ITGB1: variants seen among roughly 807,000 people sequenced by gnomAD.
ITGB1 encodes the protein integrin beta-1.
In ITGB1, 24 loss-of-function variants were observed where a neutral mutation model predicts 86.5. The ratio of observed to expected loss-of-function variants is 0.28; its 90% CI spans 0.20 to 0.39. The LOEUF (loss-of-function observed/expected upper bound fraction) is 0.39. Among genes scored for constraint, ITGB1 ranks in the 10% least tolerant of loss-of-function variants. The pLI is 1.00. For missense variants in ITGB1, 556 were observed against 946.9 expected (o/e 0.59, Z 5.42); for synonymous variants, 323 against 316.8 (o/e 1.02, Z -0.21).
In ITGB1 at chr10:32,901,492, T is replaced by C. The variant is rs199510801; in HGVS notation, c.*78A>G. The stretch of plus-strand genomic sequence containing the variant: ...GCACATGAGTAAAACCATGGCAATA[T>C]TGCCCTAAAGCTACCTAACTGTGAC... On this transcript the variant is annotated 3_prime_UTR_variant, in exon 16 of 16. Coordinates refer to ENST00000302278, the MANE Select transcript of ITGB1 (RefSeq NM_002211.4). The C allele has an allele frequency of 4.8e-5, 43 of 887,820 alleles. 1 individual carries two copies. In the South Asian group the frequency reaches 6.4e-4, roughly 13 times the overall value. The allele number at this position is 887,820 out of a possible 1,614,324, so 55.0% of individuals were successfully genotyped here.
At chr10:32,903,792 G>C (rs2094888944) in intron 15 of ITGB1, among the ~76,000 whole-genome samples, 1 of 152,062 alleles carries the variant, frequency 6.6e-6, no homozygotes, top group South Asian at 2.1e-4. Context: ...TCAAAATGGG[G>C]GTCAGGAAAC....
intron 1 of ITGB1, chr10:32,944,948 G>A (rs2095027724): frequency 8.3e-7 from 1 of 1,208,262 alleles, no homozygotes; most frequent in Non-Finnish European, 1.2e-6. Context: ...ATATTACCAA[G>A]CTTTTCTACA....
Position 32,922,647 on chromosome 10 carries a change from A to G in ITGB1, c.1031T>C (p.Val344Ala). 6.4e-7 allele frequency: 1 copy of G among 1,569,910 alleles called. No homozygotes were observed. The highest frequency in any genetic ancestry group is 8.8e-7 in the Non-Finnish European group (1 of 1,142,184). ...TTTATCTCACACATTTACCTTGTAAACAGGCTGAAATTCTTCAGTAACTGC... is the reference window on the plus strand; with the variant it reads ...TTTATCTCACACATTTACCTTGTAAGCAGGCTGAAATTCTTCAGTAACTGC... ...IFAVTEEFQP[V>A]YKELKNLIPK... Residue 344 changes from valine (V) to alanine (A), a missense_variant, in exon 8 of 16, where the codon GTT (valine) becomes GCT (alanine). Around this residue, in one of 4 missense-constraint regions of ITGB1, gnomAD observed 330 missense variants for 531.5 expected, o/e 0.62. Transcript: ENST00000302278.
At chr10:32,952,247 A>T (rs915456789) in intron 1 of ITGB1, among the ~76,000 whole-genome samples, 1 of 152,194 alleles carries the variant, frequency 6.6e-6, no homozygotes, top group Non-Finnish European at 1.5e-5. Flanking sequence ...TTACATGATT[A>T]CCAAATTTGC....
rs878933017 is a variant in ITGB1, at chr10:32,910,464, A to G, written c.1932-9T>C. Reference sequence around the variant, plus strand: ...TGCACTGAACACATTCTCTGTTACAAAAAACACAAATTATGATATTTACAT... The same window carrying G: ...TGCACTGAACACATTCTCTGTTACAGAAAACACAAATTATGATATTTACAT... On this transcript the variant is annotated splice_polypyrimidine_tract_variant and intron_variant, in intron 13 of 15. Transcript: ENST00000302278. 2 of 1,517,278 alleles carry G rather than the reference A, an allele frequency of 1.3e-6. No individual in the cohort carries two copies. Among genetic ancestry groups the G allele is most frequent in the South Asian group, 2.4e-5 (2 of 84,264 alleles). 94.0% of individuals were successfully genotyped at this position (1,517,278 alleles called of 1,614,324 possible).
chr10:32,924,959 T>C (rs1038512547), intron 6 of ITGB1, among the ~76,000 whole-genome samples: 2 of 152,220 alleles, frequency 1.3e-5, no homozygotes, highest in African/African-American at 2.4e-5. Flanking sequence ...GCTGAGTAAA[T>C]TGCCCAGCAT....
chr10:32,907,716 G>A (rs1203994294), intron 15 of ITGB1, among the ~76,000 whole-genome samples: 1 of 151,890 alleles, frequency 6.6e-6, no homozygotes, highest in African/African-American at 2.4e-5. Flanking sequence ...GAATCATATA[G>A]TATATAGCAG....
intron 6 of ITGB1, among the ~76,000 whole-genome samples, chr10:32,925,115 C>A (rs2094960805): frequency 6.6e-6 from 1 of 152,112 alleles, no homozygotes; most frequent in South Asian, 2.1e-4. Context: ...AGAATGGGGG[C>A]ACTGGAGGGA....
chr10:32,914,787 A>G (rs980616603), intron 11 of ITGB1, among the ~76,000 whole-genome samples: 2 of 152,094 alleles, frequency 1.3e-5, no homozygotes, highest in African/African-American at 2.4e-5. Context: ...ATATCCAGGA[A>G]CTGAACTCAG....
At chr10:32,912,150 T>C in intron 11 of ITGB1, 26 bp from the exon 12 acceptor site, 2 of 1,589,014 alleles carry the variant, frequency 1.3e-6, no homozygotes, top group Non-Finnish European at 1.7e-6. Flanking sequence ...AAAATTGCAA[T>C]CACACAAAAC....
chr10:32,910,410 G>C lies in ITGB1; in HGVS notation c.1977C>G (p.Asp659Glu), dbSNP rs751742962. Residue 659 changes from aspartate (D) to glutamate (E), a missense_variant, in exon 14 of 16, where the codon GAC becomes GAG. Physicochemically the swap from Asp to Glu is conservative, Grantham distance 45. Around this residue, in one of 4 missense-constraint regions of ITGB1, gnomAD observed 330 missense variants for 531.5 expected, o/e 0.62. Transcript: ENST00000302278. The part of the protein sequence containing the change: ...CRAFNKGEKK[D>E]TCTQECSYFN... Reference sequence around the variant, plus strand: ...AATAGGAACATTCCTGTGTGCATGTGTCTTTCTTTTCTCCTTTATTGAAGG... The same window carrying C: ...AATAGGAACATTCCTGTGTGCATGTCTCTTTCTTTTCTCCTTTATTGAAGG... 9.4e-6 allele frequency: 15 copies of C among 1,601,612 alleles called. No individual in the cohort carries two copies. In the South Asian group the frequency reaches 1.7e-4, roughly 18 times the overall value.
intron 1 of ITGB1, chr10:32,953,703 C>T (rs1409540525): frequency 6.6e-6 from 1 of 152,200 alleles, no homozygotes; most frequent in African/African-American, 2.4e-5. Context: ...AGTACTCTGA[C>T]AAAGGTCACA....
chr10:32,940,335 C>A (rs1336241098), intron 1 of ITGB1, among the ~76,000 whole-genome samples: 2 of 139,836 alleles, frequency 1.4e-5, no homozygotes, highest in African/African-American at 5.7e-5. Flanking sequence ...CAGAGCTAGA[C>A]TCCATCTCAA....
At chr10:32,917,361 G>A (rs962711105) in intron 11 of ITGB1, among the ~76,000 whole-genome samples, 1 of 152,144 alleles carries the variant, frequency 6.6e-6, no homozygotes, top group Non-Finnish European at 1.5e-5. Flanking sequence ...TTAAACTAAA[G>A]AGCTTCTGCA....
At chr10:32,924,369 T>C (rs1013776822) in intron 6 of ITGB1, among the ~76,000 whole-genome samples, 2 of 152,256 alleles carry the variant, frequency 1.3e-5, no homozygotes, top group African/African-American at 4.8e-5. Flanking sequence ...AAAATCTTCT[T>C]GTCACTATGG....
In ITGB1 at chr10:32,928,244, A is replaced by G. The variant is rs1313393050; in HGVS notation, c.397T>C (p.Leu133=). The stretch of plus-strand genomic sequence containing the variant: ...TAGTCTTCAGCTCTCTTGAATTTTA[A>G]TGTAAATGTCTGTGGCTCCCCTAAT... ...LRSGEPQTFT[L]KFKRAEDYPI... The change falls in exon 5 of 16, where the codon TTA becomes CTA. Residue 133 remains leucine (L), a synonymous_variant. Transcript: ENST00000302278. 1 of 892,740 alleles carries G rather than the reference A, an allele frequency of 1.1e-6. No individual in the cohort carries two copies. The highest frequency in any genetic ancestry group is 1.3e-5 in the South Asian group (1 of 74,524). The allele number at this position is 892,740 out of a possible 1,614,324, so 55.3% of individuals were successfully genotyped here.
intron 4 of ITGB1, among the ~76,000 whole-genome samples, chr10:32,928,592 C>G (rs2094973013): frequency 6.6e-6 from 1 of 152,114 alleles, no homozygotes; most frequent in South Asian, 2.1e-4. Flanking sequence ...CAAGGCAGAA[C>G]ACGTGATAGG....
In ITGB1 at chr10:32,932,584, T is replaced by G. The variant is rs542886836; in HGVS notation, c.84A>C (p.Leu28Phe). 2 of 1,594,666 alleles carry G rather than the reference T, an allele frequency of 1.3e-6. No homozygotes were observed. The highest frequency in any genetic ancestry group is 4.5e-5 in the East Asian group (2 of 44,712). ...VFAQTDENRC[L>F]KANAKSCGEC... Reference sequence around the variant, plus strand: ...CTCCACATGATTTGGCATTTGCTTTTAAACATCTATTTTCATCTGTCAGAA... The same window carrying G: ...CTCCACATGATTTGGCATTTGCTTTGAAACATCTATTTTCATCTGTCAGAA... The change falls in exon 3 of 16, where the codon TTA (leucine) becomes TTC (phenylalanine). Residue 28 changes from leucine to phenylalanine, a missense_variant. Leu to Phe is a conservative substitution (Grantham distance 22, BLOSUM62 0). This residue lies in a region of ITGB1 where 183 missense variants were observed against 263.9 expected (regional missense o/e 0.69). Transcript: ENST00000302278.
At chr10:32,937,554 CAAAAAAAAAAA>C (rs56280552) in intron 1 of ITGB1, among the ~76,000 whole-genome samples, 12 of 91,874 alleles carry the variant, frequency 1.3e-4, no homozygotes, top group Admixed American at 5.7e-4. Flanking sequence ...GACTCCGTCT[CAAAAAAAAAAA>C]AAAAAAAAAA....
Sources: gnomAD v4.1 joint callset for allele counts (sites outside exome capture counted in the v4.1 genomes callset) on GRCh38, gnomAD v4.1.1 for gene constraint, gnomAD v4.1.1 regional missense constraint, MANE v1.5 for transcripts, NCBI Gene and HGNC (gene_info 2026-07-23, HGNC 2026-07-21) for gene names.